NBEA: variants seen among roughly 807,000 people sequenced by gnomAD.
The protein encoded by NBEA is lysosomal-trafficking regulator 2.
NBEA carries 44 observed loss-of-function variants against 343.4 expected under a neutral mutation model. The observed-to-expected ratio is 0.13, with a 90% CI of 0.10 to 0.16. The LOEUF is 0.16. NBEA is among the 10% of genes least tolerant of loss of function. The pLI is 1.00. For missense variants in NBEA, 2,555 were observed against 3,631.3 expected (o/e 0.70, Z 7.62); for synonymous variants, 1,175 against 1,238.7 (o/e 0.95, Z 1.08).
At chr13:35,436,056 G>C (rs2045416984) in intron 39 of NBEA, among the ~76,000 whole-genome samples, 1 of 151,018 alleles carries the variant, frequency 6.6e-6, no homozygotes, top group African/African-American at 2.4e-5. Flanking sequence ...TGGGAAGACT[G>C]GTTTCAAAAA....
intron 13 of NBEA, among the ~76,000 whole-genome samples, chr13:35,114,009 T>C (rs112718403): frequency 0.016 from 2,435 of 152,298 alleles, 68 homozygotes; most frequent in African/African-American, 0.05. Context: ...TGAAACAAGA[T>C]GTTTCTGACT....
chr13:35,075,419 A>G (rs896585991), intron 10 of NBEA, among the ~76,000 whole-genome samples: 5 of 152,084 alleles, frequency 3.3e-5, no homozygotes, highest in African/African-American at 4.8e-5. Flanking sequence ...GATCATTTTT[A>G]TAAAGTAGAA....
intron 6 of NBEA, among the ~76,000 whole-genome samples, chr13:35,052,025 C>T (rs1192222861): frequency 6.6e-6 from 1 of 151,958 alleles, no homozygotes; most frequent in Non-Finnish European, 1.5e-5. Context: ...AACACATTCT[C>T]CTTTGTAAAG....
intron 34 of NBEA, among the ~76,000 whole-genome samples, chr13:35,274,186 C>G (rs1398580781): frequency 3.3e-5 from 5 of 152,306 alleles, no homozygotes; most frequent in South Asian, 4.1e-4. Flanking sequence ...AGCTCCACCC[C>G]TGGGTTGCAA....
At chr13:35,290,096 C>T (rs2035706391) in intron 34 of NBEA, among the ~76,000 whole-genome samples, 1 of 151,556 alleles carries the variant, frequency 6.6e-6, no homozygotes, top group South Asian at 2.1e-4. Context: ...TAAGAAATGC[C>T]TCAACCAAAT....
chr13:34,997,360 A>C (rs2060975268), intron 1 of NBEA, among the ~76,000 whole-genome samples: 1 of 152,198 alleles, frequency 6.6e-6, no homozygotes, highest in Non-Finnish European at 1.5e-5. Flanking sequence ...ATGGTTTGTA[A>C]CGTCTTTTTC....
intron 41 of NBEA, among the ~76,000 whole-genome samples, chr13:35,520,800 T>C (rs1260029901): frequency 6.6e-6 from 1 of 152,204 alleles, no homozygotes; most frequent in Non-Finnish European, 1.5e-5. Flanking sequence ...CAGACTCCTT[T>C]AAACTTCTAT....
At chr13:35,127,799 T>C (rs893619342) in intron 17 of NBEA, among the ~76,000 whole-genome samples, 5 of 152,062 alleles carry the variant, frequency 3.3e-5, no homozygotes, top group Admixed American at 6.6e-5. Flanking sequence ...TTAAGATCTG[T>C]ATGGATAAAA....
intron 34 of NBEA, among the ~76,000 whole-genome samples, chr13:35,280,421 T>G (rs1393803252): frequency 6.6e-6 from 1 of 152,136 alleles, no homozygotes; most frequent in Non-Finnish European, 1.5e-5. Context: ...CCTAGGTCAG[T>G]TTTTCTCTAG....
At chr13:35,411,886 T>A (rs1331119727) in intron 38 of NBEA, among the ~76,000 whole-genome samples, 1 of 152,120 alleles carries the variant, frequency 6.6e-6, no homozygotes, top group Admixed American at 6.6e-5. Flanking sequence ...TTTCTTTAAT[T>A]CTTCCCATGT....
At chr13:35,264,776 C>T (rs1221961911) in intron 34 of NBEA, among the ~76,000 whole-genome samples, 1 of 151,884 alleles carries the variant, frequency 6.6e-6, no homozygotes, top group African/African-American at 2.4e-5. Flanking sequence ...ACAAACACGA[C>T]TAGCATCATA....
At chr13:34,991,422 C>T (rs2060745653) in intron 1 of NBEA, among the ~76,000 whole-genome samples, 1 of 152,150 alleles carries the variant, frequency 6.6e-6, no homozygotes, top group Non-Finnish European at 1.5e-5. Flanking sequence ...GAAACAGGCA[C>T]ATCTTCACAT....
intron 35 of NBEA, among the ~76,000 whole-genome samples, chr13:35,296,916 A>G (rs1166174105): frequency 6.6e-6 from 1 of 151,558 alleles, no homozygotes; most frequent in Non-Finnish European, 1.5e-5. Flanking sequence ...CCTCATGATC[A>G]TTTTTTCTGT....
chr13:35,273,980 A>C (rs946567578), intron 34 of NBEA, among the ~76,000 whole-genome samples: 1 of 152,230 alleles, frequency 6.6e-6, no homozygotes, highest in Non-Finnish European at 1.5e-5. Flanking sequence ...ATTCCAATCA[A>C]TAGAAAAAGA....
Position 35,156,222 on chromosome 13 carries a change from A to G in NBEA, c.2651+16A>G, listed in dbSNP as rs954889224. 9.1e-6 allele frequency: 14 copies of G among 1,546,878 alleles called. No homozygotes were observed. In the African/African-American group the frequency reaches 1.9e-4, roughly 21 times the overall value. ...AAAATAGAAGGTAAGCAGTTTGGATACTGTAACAACACTTTATTCCATAAT... is the reference window on the plus strand; with the variant it reads ...AAAATAGAAGGTAAGCAGTTTGGATGCTGTAACAACACTTTATTCCATAAT... On this transcript the variant is annotated intron_variant, in intron 20 of 58. Transcript: ENST00000379939.
chr13:35,165,373 T>G (rs2069929163), intron 24 of NBEA, among the ~76,000 whole-genome samples: 1 of 152,186 alleles, frequency 6.6e-6, no homozygotes, highest in African/African-American at 2.4e-5. Context: ...TACTCTTCTG[T>G]TTTATTCATG....
chr13:35,275,238 C>A (rs531975738), intron 34 of NBEA, among the ~76,000 whole-genome samples: 1 of 152,188 alleles, frequency 6.6e-6, no homozygotes, highest in South Asian at 2.1e-4. Flanking sequence ...ACAAACCTGA[C>A]AAAAACAAGC....
At chr13:35,295,652 A>T (rs923145536) in intron 35 of NBEA, among the ~76,000 whole-genome samples, 1 of 152,186 alleles carries the variant, frequency 6.6e-6, no homozygotes, top group Non-Finnish European at 1.5e-5. Flanking sequence ...TATGTACTGA[A>T]AATGTAGACA....
chr13:35,054,310 A>G (rs761326554), intron 6 of NBEA, among the ~76,000 whole-genome samples: 16 of 152,080 alleles, frequency 1.1e-4, no homozygotes, highest in Non-Finnish European at 1.0e-4. Context: ...AAAATTCTAT[A>G]AGATTTTCCT....
Sources: allele counts gnomAD v4.1 joint callset (sites outside exome capture counted in the v4.1 genomes callset), GRCh38; gene constraint gnomAD v4.1.1; transcripts MANE v1.5; gene names NCBI Gene and HGNC (gene_info 2026-07-23, HGNC 2026-07-21).